CDH13: variants seen among roughly 807,000 people sequenced by gnomAD.
CDH13 encodes the protein cadherin 13.
A neutral mutation model predicts 63.8 loss-of-function variants in CDH13; 24 were observed. That is an observed-to-expected ratio of 0.38 (90% CI 0.27 to 0.53). The LOEUF is 0.53. CDH13 is among the 20% of genes least tolerant of loss of function. The pLI, the probability that CDH13 is intolerant of heterozygous loss-of-function variation, is 0.85. For synonymous variants in CDH13, 503 were observed against 355.3 expected (o/e 1.42, Z -4.67); for missense variants, 1,049 against 903.1 (o/e 1.16, Z -2.07).
chr16:83,205,360 C>T (rs1196336193), intron 4 of CDH13, among the ~76,000 whole-genome samples: 1 of 152,096 alleles, frequency 6.6e-6, no homozygotes, highest in African/African-American at 2.4e-5. Context: ...GGTTTGGGCC[C>T]AGCAAATAAA....
At chr16:83,109,760 C>A (rs1254771345) in intron 3 of CDH13, among the ~76,000 whole-genome samples, 1 of 152,188 alleles carries the variant, frequency 6.6e-6, no homozygotes, top group Non-Finnish European at 1.5e-5. Flanking sequence ...AGCTATTGAA[C>A]ATGAATATTT....
chr16:83,256,671 A>C (rs1235629070), intron 5 of CDH13, among the ~76,000 whole-genome samples: 5 of 59,724 alleles, frequency 8.4e-5, no homozygotes, highest in African/African-American at 1.5e-4. Flanking sequence ...CTCTACTAAA[A>C]TACAAAAAAA....
intron 2 of CDH13, among the ~76,000 whole-genome samples, chr16:82,927,468 C>T (rs867018181): frequency 6.6e-6 from 1 of 152,080 alleles, no homozygotes; most frequent in African/African-American, 2.4e-5. Context: ...ATAAGGATAC[C>T]TCACGTGAGT....
chr16:82,860,196 C>G lies in CDH13; in HGVS notation c.157+1723C>G, dbSNP rs566614836. Among the ~76,000 whole-genome samples, 2 of 152,190 alleles carry G rather than the reference C, an allele frequency of 1.3e-5. 1 individual carries two copies. Among genetic ancestry groups the G allele is most frequent in the South Asian group, 4.2e-4 (2 of 4,816 alleles). Reference sequence around the variant, plus strand: ...ACATGCTTGGAAATGCGAAGCGACCCTGAGTATGGAAATTAATAGAGTTGG... The same window carrying G: ...ACATGCTTGGAAATGCGAAGCGACCGTGAGTATGGAAATTAATAGAGTTGG... On this transcript the variant is annotated intron_variant, in intron 2 of 13. Coordinates refer to ENST00000567109, the MANE Select transcript of CDH13 (RefSeq NM_001257.5).
intron 2 of CDH13, among the ~76,000 whole-genome samples, chr16:83,014,756 A>ATATATATATATG (rs1567745545): frequency 1.2e-3 from 57 of 46,188 alleles, no homozygotes; most frequent in African/African-American, 4.0e-3. Flanking sequence ...ATATATATAT[A>ATATATATATATG]TATATATATA....
chr16:83,405,568 T>C (rs35615678), intron 6 of CDH13, among the ~76,000 whole-genome samples: 12,639 of 152,230 alleles, frequency 0.083, 601 homozygotes, highest in Middle Eastern at 0.13. Flanking sequence ...GCCCTTTGGA[T>C]TCATTTTAGA....
intron 5 of CDH13, among the ~76,000 whole-genome samples, chr16:83,341,808 A>G (rs555327889): frequency 1.7e-4 from 26 of 152,224 alleles, no homozygotes; most frequent in South Asian, 6.2e-4. Flanking sequence ...ATTAGTTCCA[A>G]TTAGTTCCAA....
chr16:83,290,476 C>G (rs1409434498), intron 5 of CDH13, among the ~76,000 whole-genome samples: 1 of 152,126 alleles, frequency 6.6e-6, no homozygotes, highest in Non-Finnish European at 1.5e-5. Context: ...ACACGCCTTC[C>G]TGCCTGTGAC....
intron 7 of CDH13, among the ~76,000 whole-genome samples, chr16:83,572,815 G>T (rs1904767238): frequency 6.6e-6 from 1 of 152,162 alleles, no homozygotes; most frequent in Non-Finnish European, 1.5e-5. Context: ...AATCATTTCT[G>T]TTTGGTTTGT....
intron 5 of CDH13, among the ~76,000 whole-genome samples, chr16:83,340,012 C>T (rs570508637): frequency 2.6e-5 from 4 of 152,130 alleles, no homozygotes; most frequent in East Asian, 1.9e-4. Flanking sequence ...CAATACAGGG[C>T]CCCCCAACAC....
chr16:83,086,970 A>T (rs1452828091), intron 3 of CDH13, among the ~76,000 whole-genome samples: 1 of 152,258 alleles, frequency 6.6e-6, no homozygotes, highest in Non-Finnish European at 1.5e-5. Context: ...ATCAATGCAA[A>T]TATAAAAAAA....
chr16:83,245,910 T>C (rs549977465), intron 5 of CDH13, among the ~76,000 whole-genome samples: 1 of 152,196 alleles, frequency 6.6e-6, no homozygotes, highest in South Asian at 2.1e-4. Context: ...ACCCAGCTTG[T>C]ATTTTTTGTA....
At chr16:83,296,040 C>G (rs944990779) in intron 5 of CDH13, among the ~76,000 whole-genome samples, 2 of 152,160 alleles carry the variant, frequency 1.3e-5, no homozygotes, top group African/African-American at 4.8e-5. Context: ...TGAATGAAAT[C>G]TCTGTGTTGC....
At chr16:83,306,200 A>G (rs2089873880) in intron 5 of CDH13, among the ~76,000 whole-genome samples, 1 of 152,226 alleles carries the variant, frequency 6.6e-6, no homozygotes, top group Non-Finnish European at 1.5e-5. Flanking sequence ...AACATATAGA[A>G]GAAAGTATTC....
chr16:83,404,430 C>G (rs766838333), intron 6 of CDH13, among the ~76,000 whole-genome samples: 16 of 152,120 alleles, frequency 1.1e-4, no homozygotes, highest in Non-Finnish European at 1.9e-4. Context: ...TCTCAGTTTT[C>G]TTATCAGTAA....
chr16:83,344,428 A>G (rs2090793381), intron 5 of CDH13, among the ~76,000 whole-genome samples: 1 of 152,184 alleles, frequency 6.6e-6, no homozygotes, highest in South Asian at 2.1e-4. Flanking sequence ...ACTTTCTCCT[A>G]AAAGATTGCC....
Position 82,753,957 on chromosome 16 carries a change from A to G in CDH13, c.46-104405A>G, listed in dbSNP as rs111426774. Among the ~76,000 whole-genome samples the G allele has an allele frequency of 5.3e-5, 8 of 152,288 alleles. 1 individual carries two copies. Among genetic ancestry groups the G allele is most frequent in the African/African-American group, 1.9e-4 (8 of 41,568 alleles). ...TAGTCATCCACTAATTCATTGATTCACTGTGAATCATGAATAAGATCATGA... is the reference window on the plus strand; with the variant it reads ...TAGTCATCCACTAATTCATTGATTCGCTGTGAATCATGAATAAGATCATGA... On this transcript the variant is annotated intron_variant, in intron 1 of 13. Transcript: ENST00000567109.
chr16:82,833,593 C>T (rs983111246), intron 1 of CDH13, among the ~76,000 whole-genome samples: 1 of 152,220 alleles, frequency 6.6e-6, no homozygotes, highest in Non-Finnish European at 1.5e-5. Flanking sequence ...ATTGCTTGTG[C>T]AGTTAATGAA....
chr16:83,044,404 C>G (rs1005506861), intron 3 of CDH13, among the ~76,000 whole-genome samples: 6 of 152,142 alleles, frequency 3.9e-5, no homozygotes, highest in Non-Finnish European at 8.8e-5. Flanking sequence ...CAGAGCTGAG[C>G]AAAACTCCTA....
Sources: gnomAD v4.1 joint callset for allele counts (sites outside exome capture counted in the v4.1 genomes callset) on GRCh38, gnomAD v4.1.1 for gene constraint, MANE v1.5 for transcripts, NCBI Gene and HGNC (gene_info 2026-07-23, HGNC 2026-07-21) for gene names.